Variants in TFCP2 observed in about 807,000 individuals in gnomAD.
TFCP2 encodes transcription factor CP2, also known as alpha-globin transcription factor CP2.
A neutral mutation model predicts 73.4 loss-of-function variants in TFCP2; 33 were observed. That is an observed-to-expected ratio of 0.45 (90% CI 0.34 to 0.60). TFCP2 has a LOEUF of 0.60. TFCP2 is among the 20% of genes least tolerant of loss of function. The probability of loss-of-function intolerance (pLI) is 0.01; values close to 1 mark genes in which losing one functional copy is unlikely to be tolerated. For missense variants in TFCP2, 352 were observed against 604.0 expected (o/e 0.58, Z 4.37); for synonymous variants, 193 against 211.6 (o/e 0.91, Z 0.76).
At chr12:51,153,637 G>A (rs2137032784) in intron 1 of TFCP2, among the ~76,000 whole-genome samples, 1 of 152,152 alleles carries the variant, frequency 6.6e-6, no homozygotes, top group African/African-American at 2.4e-5. Context: ...GTATTTCATG[G>A]CAGTGGAATC....
intron 1 of TFCP2, among the ~76,000 whole-genome samples, chr12:51,128,915 C>T (rs548709703): frequency 6.6e-6 from 1 of 152,172 alleles, no homozygotes; most frequent in African/African-American, 2.4e-5. Context: ...TTAAGTAATT[C>T]TAAGTGGCTG....
At chr12:51,142,541 C>T (rs902896952) in intron 1 of TFCP2, among the ~76,000 whole-genome samples, 1 of 152,156 alleles carries the variant, frequency 6.6e-6, no homozygotes, top group African/African-American at 2.4e-5. Flanking sequence ...AGTTCCTCCT[C>T]CTGGGAAAGG....
At chr12:51,142,203 CAAAAAAAAAA>C (rs3053458) in intron 1 of TFCP2, among the ~76,000 whole-genome samples, 1 of 52,742 alleles carries the variant, frequency 1.9e-5, no homozygotes, top group Admixed American at 3.4e-4. Context: ...GACTCTGTCG[CAAAAAAAAAA>C]AAAAAAAAAA....
intron 1 of TFCP2, among the ~76,000 whole-genome samples, chr12:51,134,442 G>A (rs1042553221): frequency 1.3e-5 from 2 of 151,934 alleles, no homozygotes; most frequent in Middle Eastern, 3.2e-3. Context: ...GCACCACCAT[G>A]CCCACCTATT....
intron 7 of TFCP2, 119 bp downstream of exon 7, chr12:51,107,117 C>T (rs1161089178): frequency 9.9e-6 from 8 of 806,216 alleles, no homozygotes; most frequent in Non-Finnish European, 1.6e-5. Flanking sequence ...GACACAGAAT[C>T]CATGTGATAC....
rs758739343 is a variant in TFCP2 at position 51,107,349 on chromosome 12, GA to G, written c.718-4del. The G allele has an allele frequency of 1.9e-5, 30 of 1,602,878 alleles. 1 individual carries two copies. In the South Asian group the frequency reaches 3.4e-4, roughly 18 times the overall value. On this transcript the variant is annotated splice_polypyrimidine_tract_variant and splice_region_variant and intron_variant, in intron 6 of 14. Transcript: ENST00000257915. Reference sequence around the variant, plus strand: ...TGCTTTCTGTCTGCACCTTTGGGCTGAAATGAGAAATATTTTGTTTTAAATT... The same window carrying G: ...TGCTTTCTGTCTGCACCTTTGGGCTGAATGAGAAATATTTTGTTTTAAATT...
At chr12:51,161,826 C>A (rs975554983) in intron 1 of TFCP2, among the ~76,000 whole-genome samples, 2 of 140,222 alleles carry the variant, frequency 1.4e-5, no homozygotes, top group Non-Finnish European at 1.5e-5. Flanking sequence ...AGACAATGGA[C>A]CTACTAGACA....
At chr12:51,104,478 T>G (rs1159088754) in intron 8 of TFCP2, among the ~76,000 whole-genome samples, 1 of 152,130 alleles carries the variant, frequency 6.6e-6, no homozygotes, top group Non-Finnish European at 1.5e-5. Context: ...TTGGGACTGA[T>G]GAGATAAATT....
intron 1 of TFCP2, among the ~76,000 whole-genome samples, chr12:51,170,979 G>A (rs1941849471): frequency 6.6e-6 from 1 of 151,938 alleles, no homozygotes; most frequent in South Asian, 2.1e-4. Flanking sequence ...TGCCCGGCCT[G>A]AAGTATTAAA....
At chr12:51,161,691 T>A (rs183858667) in intron 1 of TFCP2, among the ~76,000 whole-genome samples, 10,575 of 72,432 alleles carry the variant, frequency 0.15, 1,035 homozygotes, top group African/African-American at 0.32. Context: ...AAAAAAATAA[T>A]AATAATAATA....
At position 51,110,483 on chromosome 12, in the gene TFCP2, C is replaced by T. The variant is rs1008575730; in HGVS notation, c.564+394G>A. On this transcript the variant is annotated intron_variant, in intron 5 of 14. Transcript: ENST00000257915. ...ACTGGTGAGGCTGAGGCAAGAGAAT[C>T]GCTTGAACTGGGAGGCAGAGGTTGT... Among the ~76,000 whole-genome samples the T allele has an allele frequency of 3.9e-5, 6 of 152,196 alleles. No individual in the cohort carries two copies. The East Asian group carries it at 7.7e-4, about 20-fold the overall frequency.
Position 51,095,136 on chromosome 12 carries a change from G to A in TFCP2, c.*105C>T. On this transcript the variant is annotated 3_prime_UTR_variant, in exon 15 of 15. Coordinates refer to ENST00000257915, the MANE Select transcript of TFCP2 (RefSeq NM_005653.5). ...GACTCCTCCACACACAGTCAGACGA[G>A]TCAGGTTCTTGCAGACCTTCAAATC... The A allele has an allele frequency of 3.1e-6, 4 of 1,288,636 alleles. No homozygotes were observed. The highest frequency in any genetic ancestry group is 4.5e-6 in the Non-Finnish European group (4 of 884,332). The allele number at this position is 1,288,636 out of a possible 1,614,324, so 79.8% of individuals were successfully genotyped here.
intron 1 of TFCP2, among the ~76,000 whole-genome samples, chr12:51,154,030 A>G (rs1449452579): frequency 2.8e-5 from 2 of 70,894 alleles, no homozygotes; most frequent in East Asian, 6.8e-4. Flanking sequence ...CATTCTTGCC[A>G]ACACCTGTTA....
intron 1 of TFCP2, among the ~76,000 whole-genome samples, chr12:51,153,089 C>T (rs1024426574): frequency 4.6e-5 from 7 of 152,160 alleles, no homozygotes; most frequent in African/African-American, 1.7e-4. Flanking sequence ...ATACATAATA[C>T]AGTGTTGGCT....
chr12:51,125,817 G>C (rs1260222122), intron 1 of TFCP2, among the ~76,000 whole-genome samples: 1 of 152,138 alleles, frequency 6.6e-6, no homozygotes, highest in African/African-American at 2.4e-5. Context: ...GAAATCACAG[G>C]CTGGGCGTGG....
intron 3 of TFCP2, 23 bp downstream of exon 3, chr12:51,117,648 G>T: frequency 1.3e-6 from 2 of 1,573,118 alleles, no homozygotes; most frequent in Non-Finnish European, 8.7e-7. Flanking sequence ...ATATTGTACA[G>T]AAGAATGATT....
intron 1 of TFCP2, among the ~76,000 whole-genome samples, chr12:51,141,060 A>T (rs1292802529): frequency 1.3e-5 from 2 of 150,602 alleles, no homozygotes; most frequent in Non-Finnish European, 2.9e-5. Flanking sequence ...TGTCTAAAAA[A>T]TACAAATAAT....
intron 4 of TFCP2, among the ~76,000 whole-genome samples, chr12:51,115,193 C>T (rs1469563569): frequency 7.0e-6 from 1 of 142,326 alleles, no homozygotes; most frequent in Non-Finnish European, 1.5e-5. Context: ...GGTCTTGGCT[C>T]ACTGCAAGCT....
At chr12:51,109,410 G>T in intron 5 of TFCP2, 137 bp from the exon 6 acceptor site, 2 of 790,730 alleles carry the variant, frequency 2.5e-6, no homozygotes, top group South Asian at 2.1e-5. Flanking sequence ...TCCTCTTTTT[G>T]ATCTTGAAGA....
Sources: allele counts gnomAD v4.1 joint callset (sites outside exome capture counted in the v4.1 genomes callset), GRCh38; gene constraint gnomAD v4.1.1; transcripts MANE v1.5; gene names NCBI Gene and HGNC (gene_info 2026-07-23, HGNC 2026-07-21).